Variants in SREBF2 observed in about 807,000 individuals in gnomAD.
SREBF2 encodes sterol regulatory element-binding protein 2.
A neutral mutation model predicts 113.1 loss-of-function variants in SREBF2; 55 were observed. The observed-to-expected ratio is 0.49, with a 90% CI of 0.39 to 0.61. SREBF2 has a LOEUF of 0.61. Among genes scored for constraint, SREBF2 ranks in the 20% least tolerant of loss-of-function variants. The pLI is 0.00. For synonymous variants in SREBF2, 593 were observed against 605.7 expected, an observed-to-expected ratio of 0.98 and a Z score of 0.31; for missense variants, 1,349 against 1,487.4, an observed-to-expected ratio of 0.91 and a Z score of 1.53.
Position 41,880,895 on chromosome 22 carries a change from C to T in SREBF2, c.1941C>T (p.Ala647=). The change falls in exon 10 of 19, where the codon GCC becomes GCT. Residue 647 remains alanine, a synonymous_variant. Coordinates refer to ENST00000361204, the MANE Select transcript of SREBF2 (RefSeq NM_004599.4). ...AGAAAGTCTTCCAGTGCCGGCGGGC[C>T]ACGCCAGCCACTGAGGCAGGCTTTG... The part of the protein sequence containing the change: ...LLKKVFQCRR[A]TPATEAGFED... The T allele has an allele frequency of 1.2e-6, 2 of 1,612,786 alleles. No individual in the cohort carries two copies. The highest frequency in any genetic ancestry group is 1.7e-6 in the Non-Finnish European group (2 of 1,179,896).
intron 1 of SREBF2, among the ~76,000 whole-genome samples, chr22:41,854,130 TTTG>T (rs138917325): frequency 0.13 from 19,992 of 151,900 alleles, 1,798 homozygotes; most frequent in Admixed American, 0.31. Flanking sequence ...TGCCAGTTTT[TTTG>T]TTGTTGTTGT....
chr22:41,836,754 G>A (rs2076779458), intron 1 of SREBF2, among the ~76,000 whole-genome samples: 2 of 152,200 alleles, frequency 1.3e-5, no homozygotes, highest in Non-Finnish European at 2.9e-5. Flanking sequence ...AGCCAGCCTG[G>A]ATGCTTCTAG....
chr22:41,868,035 A>T (rs1235976623), intron 2 of SREBF2, among the ~76,000 whole-genome samples: 1 of 152,208 alleles, frequency 6.6e-6, no homozygotes, highest in Non-Finnish European at 1.5e-5. Flanking sequence ...CTGGGCCCTT[A>T]GTATGTGTTG....
At chr22:41,859,605 A>C (rs1292109766) in intron 1 of SREBF2, among the ~76,000 whole-genome samples, 1 of 149,236 alleles carries the variant, frequency 6.7e-6, no homozygotes, top group Admixed American at 6.7e-5. Context: ...AAAAGTGTCA[A>C]AAAAAAAAAA....
intron 1 of SREBF2, among the ~76,000 whole-genome samples, chr22:41,847,826 T>A (rs1321553124): frequency 6.6e-6 from 1 of 152,230 alleles, no homozygotes; most frequent in Admixed American, 6.5e-5. Context: ...ATTCCTGTAC[T>A]TTTTAAAAAT....
At position 41,907,155 on chromosome 22, in the gene SREBF2, GTA is replaced by G. The variant is rs1162157543; in HGVS notation, c.*1497_*1498del. 2 of 152,284 alleles carry G rather than the reference GTA, an allele frequency of 1.3e-5. No homozygotes were observed. Among genetic ancestry groups the G allele is most frequent in the African/African-American group, 4.8e-5 (2 of 41,422 alleles). 9.4% of individuals were successfully genotyped at this position (152,284 alleles called of 1,614,324 possible). Reference sequence around the variant, plus strand: ...GACCCTGCCCGCCTGCGTGTTGTGTGTATGTCCTGTGCCTTTTCTCACTATTG... The same window carrying G: ...GACCCTGCCCGCCTGCGTGTTGTGTGTGTCCTGTGCCTTTTCTCACTATTG... On this transcript the variant is annotated 3_prime_UTR_variant, in exon 19 of 19. Coordinates refer to ENST00000361204, the MANE Select transcript of SREBF2 (RefSeq NM_004599.4).
chr22:41,902,945 C>A (rs1379393851), intron 16 of SREBF2, 25 bp from the exon 17 acceptor site: 1 of 1,601,648 alleles, frequency 6.2e-7, no homozygotes, highest in Non-Finnish European at 8.5e-7. Context: ...CACCTGTCTC[C>A]CCTCTCTCGT....
intron 1 of SREBF2, among the ~76,000 whole-genome samples, chr22:41,855,401 C>T (rs946105049): frequency 6.6e-6 from 1 of 152,198 alleles, no homozygotes; most frequent in African/African-American, 2.4e-5. Flanking sequence ...TGGCGGGCAC[C>T]TGTAGTCCCA....
intron 5 of SREBF2, among the ~76,000 whole-genome samples, chr22:41,874,263 C>T (rs2077172763): frequency 6.6e-6 from 1 of 152,178 alleles, no homozygotes; most frequent in African/African-American, 2.4e-5. Flanking sequence ...CTATGCTCTG[C>T]AGTGATGGGG....
Position 41,886,812 on chromosome 22 carries a change from T to A in SREBF2, c.2208+1801T>A, listed in dbSNP as rs148278976. Among the ~76,000 whole-genome samples the A allele has an allele frequency of 4.4e-3, 670 of 152,290 alleles. 3 individuals carry two copies. The highest frequency in any genetic ancestry group is 0.015 in the African/African-American group (637 of 41,552). ...ACTTTGGGAGGCCAAGGCGAGCAGA[T>A]CACCTGAGGTCAGGAGTTCAAGACC... On this transcript the variant is annotated intron_variant, in intron 11 of 18. Coordinates refer to ENST00000361204, the MANE Select transcript of SREBF2 (RefSeq NM_004599.4).
Position 41,868,693 on chromosome 22 carries a change from G to A in SREBF2, c.621G>A (p.Gln207=), listed in dbSNP as rs762644128. 64 of 1,614,116 alleles carry A rather than the reference G, an allele frequency of 4.0e-5. No individual in the cohort carries two copies. In the East Asian group the frequency reaches 1.2e-3, roughly 31 times the overall value. The change falls in exon 3 of 19, where the codon CAG becomes CAA. Residue 207 remains glutamine, a synonymous_variant. Coordinates refer to ENST00000361204, the MANE Select transcript of SREBF2 (RefSeq NM_004599.4). ...VTIQQQVQTV[Q]AQRVLTQTAN... ...TTCAGCAGCAGGTGCAGACAGTACA[G>A]GCCCAGCGGGTGCTGACACAAACGG... is the stretch of plus-strand genomic sequence containing the variant.
chr22:41,837,221 C>G (rs779054090), intron 1 of SREBF2, among the ~76,000 whole-genome samples: 1 of 152,144 alleles, frequency 6.6e-6, no homozygotes, highest in Non-Finnish European at 1.5e-5. Context: ...GTATCAGTGT[C>G]TGTTTTTCAA....
At position 41,878,036 on chromosome 22, in the gene SREBF2, T is replaced by C. The variant is rs2077213646; in HGVS notation, c.1674T>C (p.Val558=). ...IVLSVFVKLL[V]HGEPVIRPHS... ...TGAGCGTCTTTGTGAAGCTGCTGGT[T>C]CATGGGGAGCCAGTGATCCGGCCAC... is the stretch of plus-strand genomic sequence containing the variant. The change falls in exon 9 of 19, where the codon GTT becomes GTC. Residue 558 remains valine (V), a synonymous_variant. Transcript: ENST00000361204. The C allele has an allele frequency of 1.2e-6, 2 of 1,614,166 alleles. No individual in the cohort carries two copies. The highest frequency in any genetic ancestry group is 2.7e-5 in the African/African-American group (2 of 75,030).
intron 1 of SREBF2, among the ~76,000 whole-genome samples, chr22:41,837,211 G>A (rs2076784134): frequency 6.6e-6 from 1 of 151,958 alleles, no homozygotes; most frequent in Non-Finnish European, 1.5e-5. Context: ...TGGAAGAGAG[G>A]TATCAGTGTC....
intron 16 of SREBF2, chr22:41,900,879 CACAA>C: frequency 7.7e-6 from 4 of 519,192 alleles, no homozygotes; most frequent in East Asian, 5.4e-5. Context: ...CCCTCGGGCA[CACAA>C]ACAGAGCTGA....
At chr22:41,901,419 G>A (rs1181384360) in intron 16 of SREBF2, among the ~76,000 whole-genome samples, 1 of 152,208 alleles carries the variant, frequency 6.6e-6, no homozygotes, top group Admixed American at 6.5e-5. Context: ...CCAGCACTTT[G>A]GGAAGCTGAG....
At chr22:41,881,283 C>T (rs567763543) in intron 10 of SREBF2, among the ~76,000 whole-genome samples, 321 of 152,298 alleles carry the variant, frequency 2.1e-3, no homozygotes, top group Non-Finnish European at 3.6e-3. Flanking sequence ...TTTAGTGATA[C>T]TTAAATTAAT....
Position 41,898,731 on chromosome 22 carries a change from C to T in SREBF2, c.2688C>T (p.Arg896=), listed in dbSNP as rs776638238. 4.3e-6 allele frequency: 7 copies of T among 1,614,116 alleles called. No homozygotes were observed. The Admixed American group carries it at 8.3e-5, about 19-fold the overall frequency. The change falls in exon 15 of 19, where the codon CGC becomes CGT. Residue 896 remains arginine, a synonymous_variant. Coordinates refer to ENST00000361204, the MANE Select transcript of SREBF2 (RefSeq NM_004599.4). ...TCCAGGGAGACGATGCAGCTGTGCGCTCTCATTTTACCAAAGTGGAACGCA... is the reference window on the plus strand; with the variant it reads ...TCCAGGGAGACGATGCAGCTGTGCGTTCTCATTTTACCAAAGTGGAACGCA... ...SWLQGDDAAV[R]SHFTKVERIP...
In SREBF2 at chr22:41,835,436, G is replaced by A. The variant is rs868269294; in HGVS notation, c.88+2078G>A. Among the ~76,000 whole-genome samples the A allele has an allele frequency of 9.3e-5, 14 of 150,652 alleles. No individual in the cohort carries two copies. In the East Asian group the frequency reaches 1.4e-3, roughly 15 times the overall value. On this transcript the variant is annotated intron_variant, in intron 1 of 18. Transcript: ENST00000361204. Reference sequence around the variant, plus strand: ...GGCGATTCTCCTGTCTCAGCCTCCCGAGTAGCTGGGATTACAGGCATGCGC... The same window carrying A: ...GGCGATTCTCCTGTCTCAGCCTCCCAAGTAGCTGGGATTACAGGCATGCGC...
Sources: gnomAD v4.1 joint callset for allele counts (sites outside exome capture counted in the v4.1 genomes callset) on GRCh38, gnomAD v4.1.1 for gene constraint, MANE v1.5 for transcripts, NCBI Gene and HGNC (gene_info 2026-07-23, HGNC 2026-07-21) for gene names.